The following PALLD variants were observed in gnomAD, a reference collection of about 807,000 sequenced individuals.
The protein encoded by PALLD is palladin, cytoskeletal associated protein, also known as palladin.
A neutral mutation model predicts 123.5 loss-of-function variants in PALLD; 61 were observed. The observed-to-expected ratio is 0.49, with a 90% confidence interval of 0.40 to 0.61. The LOEUF is 0.61. PALLD is among the 20% of genes least tolerant of loss of function. PALLD has a pLI of 0.00. For missense variants in PALLD, 1,273 were observed against 1,377.0 expected (o/e 0.92, Z 1.20); for synonymous variants, 465 against 496.4 (o/e 0.94, Z 0.84).
chr4:168,655,733 T>G (rs546582793), intron 2 of PALLD, among the ~76,000 whole-genome samples: 2 of 152,348 alleles, frequency 1.3e-5, no homozygotes, highest in East Asian at 3.9e-4. Context: ...TTACATAGAT[T>G]AAGGCAAGGA....
At chr4:168,740,383 T>G (rs1249173608) in intron 10 of PALLD, among the ~76,000 whole-genome samples, 1 of 152,238 alleles carries the variant, frequency 6.6e-6, no homozygotes, top group Non-Finnish European at 1.5e-5. Flanking sequence ...GTTTTGAATT[T>G]TGAATATAAT....
chr4:168,834,777 C>T (rs909350319), intron 10 of PALLD, among the ~76,000 whole-genome samples: 2 of 152,152 alleles, frequency 1.3e-5, no homozygotes, highest in Non-Finnish European at 2.9e-5. Context: ...TTGCATTGTA[C>T]TTGATCTTCA....
At chr4:168,894,836 T>G (rs1754770250) in intron 12 of PALLD, 159 bp downstream of exon 12, 2 of 1,176,192 alleles carry the variant, frequency 1.7e-6, no homozygotes, top group South Asian at 2.8e-5. Flanking sequence ...AGCTAATTTT[T>G]ATTGAGCACA....
rs527341847 is a variant in PALLD at position 168,854,295 on chromosome 4, C to G, written c.1965-36627C>G. ...GTGGGAGAAAAAGACAATAAACAAG[C>G]AGTTATCTTGCTTGGACAAGCTGGT... On this transcript the variant is annotated intron_variant, in intron 10 of 21. Coordinates refer to ENST00000505667, the MANE Select transcript of PALLD (RefSeq NM_001166108.2). 2.6e-5 allele frequency among the ~76,000 whole-genome samples: 4 copies of G among 152,256 alleles called. No individual in the cohort carries two copies. In the South Asian group the frequency reaches 8.3e-4, roughly 32 times the overall value.
intron 2 of PALLD, among the ~76,000 whole-genome samples, chr4:168,525,903 A>C (rs1331529930): frequency 1.3e-5 from 2 of 152,218 alleles, no homozygotes; most frequent in African/African-American, 2.4e-5. Flanking sequence ...CCACTGTGTA[A>C]CCTATAATAA....
chr4:168,581,979 T>A (rs911750498), intron 2 of PALLD, among the ~76,000 whole-genome samples: 27 of 152,128 alleles, frequency 1.8e-4, no homozygotes, highest in African/African-American at 6.3e-4. Flanking sequence ...CATATAAATA[T>A]CCAGTTTTTC....
At chr4:168,873,342 C>A (rs1191469483) in intron 10 of PALLD, among the ~76,000 whole-genome samples, 1 of 152,196 alleles carries the variant, frequency 6.6e-6, no homozygotes, top group East Asian at 1.9e-4. Context: ...ACTCTTCATA[C>A]AATGGCTTCT....
At chr4:168,579,115 T>G (rs1056623853) in intron 2 of PALLD, among the ~76,000 whole-genome samples, 2 of 152,190 alleles carry the variant, frequency 1.3e-5, no homozygotes, top group African/African-American at 4.8e-5. Flanking sequence ...ACTAAGGCAG[T>G]CCTTGCTTTC....
chr4:168,814,078 C>T (rs1291331623), intron 10 of PALLD, among the ~76,000 whole-genome samples: 1 of 152,126 alleles, frequency 6.6e-6, no homozygotes, highest in African/African-American at 2.4e-5. Flanking sequence ...TGTATTAAGA[C>T]GCTATCAATA....
chr4:168,693,709 TA>T (rs1443461553), intron 8 of PALLD, among the ~76,000 whole-genome samples: 1 of 152,224 alleles, frequency 6.6e-6, no homozygotes. Context: ...CAGGAGCTAT[TA>T]AAAACTAACA....
intron 10 of PALLD, among the ~76,000 whole-genome samples, chr4:168,889,187 G>A (rs1216974000): frequency 5.0e-5 from 4 of 80,526 alleles, no homozygotes; most frequent in Admixed American, 2.6e-4. Context: ...TTTTTTAGAC[G>A]GAGTCTTGCT....
intron 10 of PALLD, among the ~76,000 whole-genome samples, chr4:168,764,880 C>T (rs751733808): frequency 6.6e-6 from 1 of 152,198 alleles, no homozygotes; most frequent in Non-Finnish European, 1.5e-5. Context: ...TCCATTGCCT[C>T]CTCCTGGTCA....
At chr4:168,556,903 T>C (rs1375405099) in intron 2 of PALLD, among the ~76,000 whole-genome samples, 3 of 152,224 alleles carry the variant, frequency 2.0e-5, no homozygotes, top group Admixed American at 6.5e-5. Flanking sequence ...CTGTGGTTTA[T>C]AGCCCTACTT....
At chr4:168,588,839 G>T (rs1415337472) in intron 2 of PALLD, among the ~76,000 whole-genome samples, 1 of 150,316 alleles carries the variant, frequency 6.7e-6, no homozygotes, top group Non-Finnish European at 1.5e-5. Context: ...ATCTCTATCA[G>T]AAACAGCTTC....
intron 10 of PALLD, among the ~76,000 whole-genome samples, chr4:168,734,758 G>C (rs1163768794): frequency 6.6e-6 from 1 of 152,116 alleles, no homozygotes; most frequent in Non-Finnish European, 1.5e-5. Flanking sequence ...AAACTGAAAA[G>C]GAGAGAAGGA....
chr4:168,691,310 G>GA lies in PALLD; in HGVS notation c.1501+18_1501+19insA. 1 of 1,300,608 alleles carries GA rather than the reference G, an allele frequency of 7.7e-7. No individual in the cohort carries two copies. The highest frequency in any genetic ancestry group is 1.1e-6 in the Non-Finnish European group (1 of 949,904). The allele number at this position is 1,300,608 out of a possible 1,614,324, so 80.6% of individuals were successfully genotyped here. A position where few individuals can be genotyped will look rare whatever the true frequency, so the allele number is the denominator to read the frequency against. ...TGAACCTGGTAAGAATATTTTTAGG[G>GA]TTTTTTTTTTTGGTGGTGGGGGAGC... On this transcript the variant is annotated intron_variant, in intron 8 of 21. Coordinates refer to ENST00000505667, the MANE Select transcript of PALLD (RefSeq NM_001166108.2).
At chr4:168,678,724 C>CATA (rs1220687677) in intron 3 of PALLD, among the ~76,000 whole-genome samples, 1 of 151,922 alleles carries the variant, frequency 6.6e-6, no homozygotes, top group East Asian at 1.9e-4. Context: ...CACTCACCAC[C>CATA]GTATCATGTA....
chr4:168,801,556 G>T (rs1029341025), intron 10 of PALLD, among the ~76,000 whole-genome samples: 1 of 152,224 alleles, frequency 6.6e-6, no homozygotes, highest in Non-Finnish European at 1.5e-5. Flanking sequence ...GGGATCACAA[G>T]CGTGAGCCAC....
intron 10 of PALLD, among the ~76,000 whole-genome samples, chr4:168,847,396 A>G (rs1195270479): frequency 6.6e-6 from 1 of 152,230 alleles, no homozygotes; most frequent in Non-Finnish European, 1.5e-5. Context: ...ATGTACCAAC[A>G]TGGAAGGATA....
Sources: allele counts gnomAD v4.1 joint callset (sites outside exome capture counted in the v4.1 genomes callset), GRCh38; gene constraint gnomAD v4.1.1; transcripts MANE v1.5; gene names NCBI Gene and HGNC (gene_info 2026-07-23, HGNC 2026-07-21).